The following ATP9A variants were observed in gnomAD, a reference collection of about 807,000 sequenced individuals.
ATP9A encodes the protein probable phospholipid-transporting ATPase IIA.
In ATP9A, 52 loss-of-function variants were observed where a neutral mutation model predicts 144.1. The observed-to-expected ratio is 0.36, with a 90% CI of 0.29 to 0.45. The LOEUF is 0.45. Ranked by LOEUF, ATP9A falls within the 20% of genes least tolerant of loss-of-function variation. ATP9A has a pLI of 1.00. For missense variants in ATP9A, 947 were observed against 1,392.7 expected (o/e 0.68, Z 5.09); for synonymous variants, 582 against 557.4 (o/e 1.04, Z -0.62).
chr20:51,669,945 TAAA>T, intron 13 of ATP9A, 49 bp downstream of exon 13: 2 of 1,032,522 alleles, frequency 1.9e-6, no homozygotes, highest in African/African-American at 1.6e-5. Flanking sequence ...ATATAGCTGT[TAAA>T]AAAAAAAAGT....
At chr20:51,768,061 G>A (rs1293643572) in intron 1 of ATP9A, among the ~76,000 whole-genome samples, 3 of 152,046 alleles carry the variant, frequency 2.0e-5, no homozygotes, top group Admixed American at 2.0e-4. Context: ...TCTAAAGGAA[G>A]GTGGGCAAGG....
chr20:51,660,813 C>A (rs1258185070), intron 13 of ATP9A, among the ~76,000 whole-genome samples: 1 of 152,218 alleles, frequency 6.6e-6, no homozygotes, highest in African/African-American at 2.4e-5. Context: ...TTATCTCTAA[C>A]CTCCTCCCCA....
intron 3 of ATP9A, among the ~76,000 whole-genome samples, chr20:51,716,224 T>C (rs2077661256): frequency 6.6e-6 from 1 of 152,164 alleles, no homozygotes; most frequent in Admixed American, 6.6e-5. Flanking sequence ...TATTTGGTCA[T>C]CATATAATGT....
chr20:51,608,705 G>A (rs1286238407), intron 24 of ATP9A, 79 bp from the exon 25 acceptor site: 1 of 868,556 alleles, frequency 1.2e-6, no homozygotes, highest in African/African-American at 1.7e-5. Flanking sequence ...CGGCACCCAA[G>A]TCCCAACCAT....
intron 23 of ATP9A, among the ~76,000 whole-genome samples, chr20:51,613,421 G>C (rs1294925090): frequency 6.6e-6 from 1 of 152,204 alleles, no homozygotes; most frequent in Non-Finnish European, 1.5e-5. Flanking sequence ...GGAATGACCA[G>C]CACCGCTTAA....
intron 4 of ATP9A, 100 bp downstream of exon 4, chr20:51,712,866 A>G: frequency 6.7e-6 from 7 of 1,052,244 alleles, no homozygotes; most frequent in Non-Finnish European, 1.0e-5. Context: ...GCCACGTGGC[A>G]TTCCCACACC....
In ATP9A at chr20:51,681,241, G is replaced by A. The variant is rs556592013; in HGVS notation, c.800-5033C>T. Among the ~76,000 whole-genome samples, 3 of 152,298 alleles carry A rather than the reference G, an allele frequency of 2.0e-5. No homozygotes were observed. In the East Asian group the frequency reaches 5.8e-4, roughly 29 times the overall value. ...AACACTTCATCAATTAAAAGTAAGT[G>A]ATAAGTGAAGACTTAATTAGTATTG... On this transcript the variant is annotated intron_variant, in intron 9 of 27. Coordinates refer to ENST00000338821, the MANE Select transcript of ATP9A (RefSeq NM_006045.3).
At chr20:51,608,251 C>A (rs1416329347) in intron 25 of ATP9A, among the ~76,000 whole-genome samples, 1 of 152,096 alleles carries the variant, frequency 6.6e-6, no homozygotes, top group Non-Finnish European at 1.5e-5. Flanking sequence ...GGGCTTTTTG[C>A]AAGTCGTGAG....
rs756569288 is a variant in ATP9A at position 51,622,096 on chromosome 20, T to C, written c.2093A>G (p.Gln698Arg). ...AKNAHLVTRN[Q>R]DIHVFRLVTN... ...TACCAGCCGAAAAACGTGGATGTCT[T>C]GGTTTCTGGTCACCAGATGTGCATT... The change falls in exon 19 of 28, where the codon CAA (glutamine) becomes CGA (arginine). Residue 698 changes from glutamine (Q) to arginine (R), a missense_variant. By Grantham distance (43) the Gln-to-Arg change is conservative (BLOSUM62 1). Transcript: ENST00000338821. 1.9e-6 allele frequency: 3 copies of C among 1,614,112 alleles called. No individual in the cohort carries two copies. The highest frequency in any genetic ancestry group is 2.7e-5 in the African/African-American group (2 of 75,032).
chr20:51,705,456 A>C (rs1293974842), intron 4 of ATP9A, among the ~76,000 whole-genome samples: 1 of 152,206 alleles, frequency 6.6e-6, no homozygotes, highest in Non-Finnish European at 1.5e-5. Flanking sequence ...TTTATACCAC[A>C]TATGTAGGAG....
intron 3 of ATP9A, among the ~76,000 whole-genome samples, chr20:51,723,555 A>G (rs1252084049): frequency 7.3e-6 from 1 of 137,190 alleles, no homozygotes; most frequent in East Asian, 2.3e-4. Context: ...CCTGGGCAAC[A>G]GCAAATTCTT....
intron 1 of ATP9A, among the ~76,000 whole-genome samples, chr20:51,743,700 G>T (rs1265916054): frequency 1.5e-5 from 2 of 132,374 alleles, no homozygotes; most frequent in African/African-American, 5.5e-5. Context: ...ACCGTGCCCA[G>T]CCCAAATCCT....
chr20:51,711,992 A>T (rs1418830635), intron 4 of ATP9A, among the ~76,000 whole-genome samples: 1 of 149,796 alleles, frequency 6.7e-6, no homozygotes, highest in African/African-American at 2.5e-5. Flanking sequence ...AGTAGCTGGG[A>T]TTACAGATGA....
At chr20:51,651,050 A>T (rs1229795896) in intron 14 of ATP9A, among the ~76,000 whole-genome samples, 1 of 149,848 alleles carries the variant, frequency 6.7e-6, no homozygotes, top group Non-Finnish European at 1.5e-5. Context: ...GCAATCTCGG[A>T]AAGCCATATG....
chr20:51,703,070 G>A (rs917149313), intron 4 of ATP9A, among the ~76,000 whole-genome samples: 1 of 151,984 alleles, frequency 6.6e-6, no homozygotes, highest in Non-Finnish European at 1.5e-5. Context: ...TCCCAGCTTG[G>A]GCGATGCTTC....
intron 19 of ATP9A, 142 bp from the exon 20 acceptor site, chr20:51,619,185 C>T (rs1047180289): frequency 6.4e-5 from 42 of 656,802 alleles, no homozygotes; most frequent in Non-Finnish European, 9.6e-5. Flanking sequence ...AGAGGCAGCA[C>T]CAAATGGAAT....
intron 17 of ATP9A, among the ~76,000 whole-genome samples, chr20:51,625,613 C>T (rs1426618976): frequency 1.3e-5 from 2 of 152,216 alleles, no homozygotes; most frequent in Non-Finnish European, 2.9e-5. Context: ...CAGCAAGTCA[C>T]TTAACCTCTC....
chr20:51,745,984 A>G (rs1368689281), intron 1 of ATP9A, among the ~76,000 whole-genome samples: 1 of 152,264 alleles, frequency 6.6e-6, no homozygotes, highest in Non-Finnish European at 1.5e-5. Flanking sequence ...TGCACATGGA[A>G]TACTACGCAG....
At chr20:51,740,731 G>C (rs749433155) in intron 1 of ATP9A, among the ~76,000 whole-genome samples, 1 of 150,198 alleles carries the variant, frequency 6.7e-6, no homozygotes, top group Non-Finnish European at 1.5e-5. Context: ...ACCACTCCCG[G>C]ATAATTTTTT....
Sources: allele counts gnomAD v4.1 joint callset (sites outside exome capture counted in the v4.1 genomes callset), GRCh38; gene constraint gnomAD v4.1.1; transcripts MANE v1.5; gene names NCBI Gene and HGNC (gene_info 2026-07-23, HGNC 2026-07-21).